RGS12: variants seen among roughly 807,000 people sequenced by gnomAD.
RGS12 encodes the protein regulator of G protein signaling 12.
A neutral mutation model predicts 120.1 loss-of-function variants in RGS12; 66 were observed. That is an observed-to-expected ratio of 0.55 (90% CI 0.45 to 0.67). The LOEUF (loss-of-function observed/expected upper bound fraction) is 0.67, where lower values mean the gene tolerates loss of function less well. RGS12 is among the 30% of genes least tolerant of loss of function. The probability of loss-of-function intolerance (pLI) is 0.00; values close to 1 mark genes in which losing one functional copy is unlikely to be tolerated. For missense variants in RGS12, 1,859 were observed against 1,957.7 expected, an observed-to-expected ratio of 0.95 and a Z score of 0.95; for synonymous variants, 827 against 804.7, an observed-to-expected ratio of 1.03 and a Z score of -0.47.
At chr4:3,325,405 T>C (rs1226085480) in intron 2 of RGS12, among the ~76,000 whole-genome samples, 1 of 152,184 alleles carries the variant, frequency 6.6e-6, no homozygotes, top group African/African-American at 2.4e-5. Flanking sequence ...GTGAGGCCTT[T>C]AAGAGGTGAT....
intron 1 of RGS12, chr4:3,312,501 C>G: frequency 4.5e-6 from 1 of 221,432 alleles, no homozygotes. Context: ...TGAGAAGCAG[C>G]CGTTTGAAAT....
At chr4:3,431,656 A>G in intron 17 of RGS12, 1 of 985,754 alleles carries the variant, frequency 1.0e-6, no homozygotes, top group Non-Finnish European at 1.2e-6. Flanking sequence ...GGCTCCCAGC[A>G]GCCGGTAGGG....
intron 4 of RGS12, among the ~76,000 whole-genome samples, chr4:3,402,627 ATTGGGTGGCGTCCTCTGCG>A (rs199880824): frequency 0.031 from 4,709 of 151,984 alleles, 99 homozygotes; most frequent in African/African-American, 0.057. Flanking sequence ...GGGCTTCTGC[ATTGGGTGGCGTCCTCTGCG>A]TTGGGTGGCG....
At chr4:3,436,142 C>T (rs567462097) in intron 17 of RGS12, among the ~76,000 whole-genome samples, 5 of 152,222 alleles carry the variant, frequency 3.3e-5, no homozygotes, top group Admixed American at 6.5e-5. Flanking sequence ...GGGTCACACT[C>T]TGGAACTAAG....
intron 3 of RGS12, among the ~76,000 whole-genome samples, chr4:3,361,661 G>A (rs140606237): frequency 7.2e-4 from 110 of 152,304 alleles, no homozygotes; most frequent in Non-Finnish European, 1.3e-3. Flanking sequence ...AGGAGCTCCC[G>A]AGGCAAGAGG....
intron 4 of RGS12, among the ~76,000 whole-genome samples, chr4:3,391,745 G>C (rs1719528173): frequency 7.0e-6 from 1 of 142,578 alleles, no homozygotes; most frequent in African/African-American, 3.1e-5. Flanking sequence ...TCGTCAGAGA[G>C]GGCTGCCTGG....
At chr4:3,287,382 C>T in the RGS12 span, among the ~76,000 whole-genome samples, 1 of 152,232 alleles carries the variant, frequency 6.6e-6, no homozygotes, top group African/African-American at 2.4e-5. Flanking sequence ...AGGACATCTT[C>T]TCCAAATTGG....
At chr4:3,354,376 G>T (rs1222809218) in intron 3 of RGS12, among the ~76,000 whole-genome samples, 1 of 152,188 alleles carries the variant, frequency 6.6e-6, no homozygotes, top group African/African-American at 2.4e-5. Flanking sequence ...TTTGTCTTTA[G>T]TTGGTACTTA....
At chr4:3,315,746 G>A (rs547349276) in intron 1 of RGS12, among the ~76,000 whole-genome samples, 25 of 152,310 alleles carry the variant, frequency 1.6e-4, no homozygotes, top group Non-Finnish European at 2.6e-4. Flanking sequence ...GCCAGTCCAC[G>A]GACCACACTT....
intron 4 of RGS12, among the ~76,000 whole-genome samples, chr4:3,400,560 A>C (rs1720476912): frequency 6.6e-6 from 1 of 151,206 alleles, no homozygotes; most frequent in African/African-American, 2.4e-5. Flanking sequence ...TCCTTTTTTA[A>C]AAAGTTATAC....
At chr4:3,421,997 C>G (rs1428556260) in intron 10 of RGS12, among the ~76,000 whole-genome samples, 2 of 152,204 alleles carry the variant, frequency 1.3e-5, no homozygotes, top group East Asian at 3.8e-4. Context: ...GCATGGGGAG[C>G]TGTGTATAGA....
intron 4 of RGS12, among the ~76,000 whole-genome samples, chr4:3,400,551 C>T (rs1017859486): frequency 1.3e-5 from 2 of 151,372 alleles, no homozygotes; most frequent in Admixed American, 6.6e-5. Flanking sequence ...AGCACTCATT[C>T]CTTTTTTAAA....
intron 4 of RGS12, among the ~76,000 whole-genome samples, chr4:3,394,900 G>A (rs1463763344): frequency 6.6e-6 from 1 of 152,120 alleles, no homozygotes; most frequent in African/African-American, 2.4e-5. Context: ...TGGGCACAGT[G>A]GTTCACATCT....
At chr4:3,332,578 T>C (rs114004497) in intron 2 of RGS12, among the ~76,000 whole-genome samples, 33 of 152,340 alleles carry the variant, frequency 2.2e-4, no homozygotes, top group African/African-American at 6.7e-4. Context: ...CATGTGGCTT[T>C]GATTTGCATT....
intron 4 of RGS12, among the ~76,000 whole-genome samples, chr4:3,395,386 G>A (rs543022874): frequency 6.6e-6 from 1 of 152,268 alleles, no homozygotes; most frequent in African/African-American, 2.4e-5. Flanking sequence ...TGATGACATC[G>A]TGTTGGTTCT....
intron 3 of RGS12, among the ~76,000 whole-genome samples, chr4:3,371,181 AATC>A (rs1455134284): frequency 2.0e-5 from 3 of 152,218 alleles, no homozygotes; most frequent in African/African-American, 4.8e-5. Flanking sequence ...AGCCTGATGA[AATC>A]AACCGGCTTT....
At chr4:3,419,986 A>C (rs1722830282) in intron 9 of RGS12, among the ~76,000 whole-genome samples, 1 of 152,132 alleles carries the variant, frequency 6.6e-6, no homozygotes, top group South Asian at 2.1e-4. Context: ...CTCTCTCCTC[A>C]GGCCCCAGAG....
At chr4:3,352,090 A>G (rs930702642) in intron 3 of RGS12, among the ~76,000 whole-genome samples, 2 of 152,222 alleles carry the variant, frequency 1.3e-5, no homozygotes, top group African/African-American at 2.4e-5. Context: ...CATGCAGTCC[A>G]AACAAAACAT....
At chr4:3,331,306 A>G (rs1711811035) in intron 2 of RGS12, among the ~76,000 whole-genome samples, 1 of 152,268 alleles carries the variant, frequency 6.6e-6, no homozygotes, top group Non-Finnish European at 1.5e-5. Flanking sequence ...TAGTTATCTC[A>G]GAGGTAGTAA....
Sources: allele counts gnomAD v4.1 joint callset (sites outside exome capture counted in the v4.1 genomes callset), GRCh38; gene constraint gnomAD v4.1.1; transcripts MANE v1.5; gene names NCBI Gene and HGNC (gene_info 2026-07-23, HGNC 2026-07-21).